BCL2L13: variants seen among roughly 807,000 people sequenced by gnomAD.
BCL2L13 encodes the protein bcl-2-like protein 13.
In BCL2L13, 13 loss-of-function variants were observed where a neutral mutation model predicts 25.8. That is an observed-to-expected ratio of 0.50 (90% CI 0.33 to 0.80). The LOEUF (loss-of-function observed/expected upper bound fraction) is 0.80. Among genes scored for constraint, BCL2L13 ranks in the 30% least tolerant of loss-of-function variants. The pLI, the probability that BCL2L13 is intolerant of heterozygous loss-of-function variation, is 0.02. For synonymous variants in BCL2L13, 244 were observed against 230.3 expected (o/e 1.06, Z -0.54); for missense variants, 504 against 574.9 (o/e 0.88, Z 1.26).
intron 2 of BCL2L13, among the ~76,000 whole-genome samples, chr22:17,673,385 A>G (rs1278682822): frequency 1.4e-5 from 2 of 141,368 alleles, no homozygotes; most frequent in African/African-American, 2.7e-5. Context: ...TTTTTGAGAC[A>G]GAGCCTCACT....
chr22:17,676,336 G>A (rs2535693), intron 2 of BCL2L13, among the ~76,000 whole-genome samples: 21,198 of 151,994 alleles, frequency 0.14, 2,028 homozygotes, highest in Non-Finnish European at 0.21. Flanking sequence ...GGTGGCACAC[G>A]CCTGTACTCC....
intron 3 of BCL2L13, among the ~76,000 whole-genome samples, chr22:17,683,843 C>CTAT (rs2059827227): frequency 9.5e-6 from 1 of 105,562 alleles, no homozygotes; most frequent in African/African-American, 3.8e-5. Context: ...CTCAGTCATT[C>CTAT]CATTATTATT....
chr22:17,670,482 C>G (rs1184430803), intron 2 of BCL2L13, among the ~76,000 whole-genome samples: 1 of 149,864 alleles, frequency 6.7e-6, no homozygotes, highest in Non-Finnish European at 1.5e-5. Context: ...TCAAGTGATT[C>G]TCCTGCCTCA....
At chr22:17,699,223 A>G (rs2060359909) in intron 5 of BCL2L13, among the ~76,000 whole-genome samples, 1 of 152,258 alleles carries the variant, frequency 6.6e-6, no homozygotes, top group African/African-American at 2.4e-5. Context: ...TTCAGTACAG[A>G]TAAAATTTGT....
At chr22:17,687,058 A>C (rs2059963112) in intron 3 of BCL2L13, among the ~76,000 whole-genome samples, 1 of 152,146 alleles carries the variant, frequency 6.6e-6, no homozygotes, top group African/African-American at 2.4e-5. Context: ...TCTTTCTCGG[A>C]GGCAAGCACT....
intron 6 of BCL2L13, among the ~76,000 whole-genome samples, chr22:17,712,179 G>A (rs1183018258): frequency 6.6e-6 from 1 of 152,132 alleles, no homozygotes; most frequent in African/African-American, 2.4e-5. Flanking sequence ...TCTTCTCATG[G>A]TGAGACTGTG....
chr22:17,672,800 G>T (rs1378764562), intron 2 of BCL2L13, among the ~76,000 whole-genome samples: 2 of 152,160 alleles, frequency 1.3e-5, no homozygotes, highest in Admixed American at 1.3e-4. Context: ...ATCTGGTGGG[G>T]TGAGGCATAT....
intron 6 of BCL2L13, among the ~76,000 whole-genome samples, chr22:17,724,086 A>G (rs1450500567): frequency 6.6e-6 from 1 of 152,236 alleles, no homozygotes; most frequent in Admixed American, 6.5e-5. Context: ...CAGCCTGGGC[A>G]ACATAGAGAG....
At chr22:17,664,376 G>C (rs1181763592) in intron 2 of BCL2L13, among the ~76,000 whole-genome samples, 6 of 151,770 alleles carry the variant, frequency 4.0e-5, no homozygotes, top group Non-Finnish European at 7.4e-5. Flanking sequence ...CCATGGCCTT[G>C]GAGAGCTCCA....
chr22:17,668,314 G>A (rs2059302305), intron 2 of BCL2L13, among the ~76,000 whole-genome samples: 1 of 151,492 alleles, frequency 6.6e-6, no homozygotes, highest in Admixed American at 6.6e-5. Context: ...TGCCCTACCT[G>A]TCTTAACGTT....
intron 5 of BCL2L13, among the ~76,000 whole-genome samples, chr22:17,699,878 T>C (rs1440669856): frequency 6.6e-6 from 1 of 152,170 alleles, no homozygotes; most frequent in Admixed American, 6.6e-5. Flanking sequence ...TGTAGGATTA[T>C]GTGTAAATCC....
At chr22:17,724,071 G>A (rs570969589) in intron 6 of BCL2L13, among the ~76,000 whole-genome samples, 1 of 152,212 alleles carries the variant, frequency 6.6e-6, no homozygotes, top group South Asian at 2.1e-4. Context: ...CCAGGAGTTT[G>A]AGACCAGCCT....
At chr22:17,661,943 A>AT (rs1304330812) in intron 2 of BCL2L13, among the ~76,000 whole-genome samples, 3 of 151,390 alleles carry the variant, frequency 2.0e-5, no homozygotes, top group Non-Finnish European at 4.4e-5. Flanking sequence ...GTGAGCCAAA[A>AT]TTGCACCATT....
At chr22:17,686,367 T>C (rs757966674) in intron 3 of BCL2L13, among the ~76,000 whole-genome samples, 3 of 151,922 alleles carry the variant, frequency 2.0e-5, no homozygotes, top group African/African-American at 2.4e-5. Context: ...TGAGAATCTC[T>C]TGAACCCAGG....
intron 4 of BCL2L13, among the ~76,000 whole-genome samples, chr22:17,693,378 T>TAG (rs1568981906): frequency 1.3e-3 from 112 of 87,012 alleles, no homozygotes; most frequent in African/African-American, 4.1e-3. Context: ...GTTTGTTTTT[T>TAG]TTTTTTTTTT....
chr22:17,724,230 G>T (rs932214828), intron 6 of BCL2L13, among the ~76,000 whole-genome samples: 5 of 152,086 alleles, frequency 3.3e-5, no homozygotes, highest in Non-Finnish European at 7.4e-5. Context: ...CTGTGATCCT[G>T]CCACTGCACT....
At chr22:17,657,210 G>A (rs1054735252) in intron 2 of BCL2L13, among the ~76,000 whole-genome samples, 10 of 152,108 alleles carry the variant, frequency 6.6e-5, no homozygotes, top group African/African-American at 2.4e-4. Flanking sequence ...ATTCTAAAAA[G>A]CAGCCAAAAT....
Position 17,717,392 on chromosome 22 carries a change from A to G in BCL2L13, c.601-9285A>G, listed in dbSNP as rs1337363376. Among the ~76,000 whole-genome samples the G allele has an allele frequency of 3.3e-5, 5 of 151,636 alleles. 1 individual carries two copies. Among genetic ancestry groups the G allele is most frequent in the African/African-American group, 4.9e-5 (2 of 41,142 alleles). On this transcript the variant is annotated intron_variant, in intron 6 of 6. Transcript: ENST00000317582. ...TGAGACTCTGTCTCAAAAAAGATCC[A>G]ATGTTGTTGTTCCCTCTTCCGTGAA...
At chr22:17,663,615 T>C (rs1349157965) in intron 2 of BCL2L13, among the ~76,000 whole-genome samples, 1 of 152,094 alleles carries the variant, frequency 6.6e-6, no homozygotes, top group Admixed American at 6.6e-5. Context: ...TATTTACATG[T>C]TCTATATTTC....
Sources: gnomAD v4.1 joint callset for allele counts (sites outside exome capture counted in the v4.1 genomes callset) on GRCh38, gnomAD v4.1.1 for gene constraint, MANE v1.5 for transcripts, NCBI Gene and HGNC (gene_info 2026-07-23, HGNC 2026-07-21) for gene names.